The following DLG1 variants were observed in gnomAD, a reference collection of about 807,000 sequenced individuals.
DLG1 encodes discs large MAGUK scaffold protein 1, also known as disks large homolog 1.
A neutral mutation model predicts 123.4 loss-of-function variants in DLG1; 42 were observed. That is an observed-to-expected ratio of 0.34 (90% CI 0.27 to 0.44). The LOEUF (loss-of-function observed/expected upper bound fraction) is 0.44, where lower values mean the gene tolerates loss of function less well. Among genes scored for constraint, DLG1 ranks in the 20% least tolerant of loss-of-function variants. DLG1 has a pLI of 1.00. For synonymous variants in DLG1, 317 were observed against 356.2 expected (o/e 0.89, Z 1.24); for missense variants, 942 against 1,082.6 (o/e 0.87, Z 1.82).
chr3:197,149,417 T>TA (rs1207456521), intron 6 of DLG1, among the ~76,000 whole-genome samples: 3 of 152,182 alleles, frequency 2.0e-5, no homozygotes, highest in African/African-American at 7.2e-5. Context: ...GTCATTCAAT[T>TA]AGACTTCTAA....
intron 14 of DLG1, among the ~76,000 whole-genome samples, chr3:197,099,536 T>C (rs888474166): frequency 6.6e-6 from 1 of 152,228 alleles, no homozygotes; most frequent in Non-Finnish European, 1.5e-5. Flanking sequence ...TTAGGACGTA[T>C]CTGAACTGCT....
intron 4 of DLG1, among the ~76,000 whole-genome samples, chr3:197,197,575 C>T (rs1160168877): frequency 6.6e-6 from 1 of 152,204 alleles, no homozygotes; most frequent in Non-Finnish European, 1.5e-5. Context: ...AGTTAGGTTT[C>T]TATACAGCAT....
intron 5 of DLG1, among the ~76,000 whole-genome samples, chr3:197,163,439 A>T (rs571324903): frequency 1.7e-4 from 26 of 152,272 alleles, no homozygotes; most frequent in African/African-American, 5.3e-4. Flanking sequence ...ATCACACACA[A>T]CAGTCAAAAG....
chr3:197,136,731 G>C (rs937451271), intron 9 of DLG1, 53 bp from the exon 10 acceptor site: 1 of 1,491,154 alleles, frequency 6.7e-7, no homozygotes, highest in Non-Finnish European at 9.0e-7. Context: ...CTTAAGCCCA[G>C]AAAGAAATGG....
intron 3 of DLG1, among the ~76,000 whole-genome samples, chr3:197,287,173 C>G (rs908030487): frequency 1.9e-4 from 29 of 151,904 alleles, no homozygotes; most frequent in Admixed American, 3.3e-4. Flanking sequence ...ACATGGCCTA[C>G]AAGATGGAAA....
chr3:197,136,911 C>G (rs1785315415), intron 9 of DLG1, among the ~76,000 whole-genome samples: 2 of 152,200 alleles, frequency 1.3e-5, no homozygotes, highest in South Asian at 4.1e-4. Context: ...TTCTTAGTAT[C>G]TTTTCGCAAA....
At chr3:197,174,187 A>T (rs1331207691) in intron 5 of DLG1, among the ~76,000 whole-genome samples, 1 of 152,214 alleles carries the variant, frequency 6.6e-6, no homozygotes, top group Non-Finnish European at 1.5e-5. Flanking sequence ...AAAAAAGGAG[A>T]AAGAAAAGGC....
intron 4 of DLG1, among the ~76,000 whole-genome samples, chr3:197,254,897 G>GA (rs1356345839): frequency 6.6e-6 from 1 of 151,020 alleles, no homozygotes; most frequent in Non-Finnish European, 1.5e-5. Context: ...AAAATACAAA[G>GA]AAAAAAAAAT....
intron 24 of DLG1, among the ~76,000 whole-genome samples, chr3:197,050,060 AAAAC>A (rs759363160): frequency 1.3e-4 from 20 of 151,304 alleles, no homozygotes; most frequent in Middle Eastern, 3.5e-3. Context: ...CCCTGCCTCA[AAAAC>A]AAACAAACAA....
intron 4 of DLG1, among the ~76,000 whole-genome samples, chr3:197,234,252 C>A (rs531708946): frequency 6.6e-6 from 1 of 152,226 alleles, no homozygotes; most frequent in African/African-American, 2.4e-5. Context: ...AGTTCTAATA[C>A]ACAGACAGGC....
intron 17 of DLG1, 51 bp downstream of exon 17, chr3:197,081,000 C>T: frequency 6.6e-7 from 1 of 1,509,850 alleles, no homozygotes; most frequent in Non-Finnish European, 9.2e-7. Flanking sequence ...TTCATTTTAA[C>T]AATGTAGCTC....
chr3:197,176,176 T>G (rs1378511018), intron 5 of DLG1, among the ~76,000 whole-genome samples: 1 of 152,148 alleles, frequency 6.6e-6, no homozygotes, highest in Non-Finnish European at 1.5e-5. Context: ...ACACCAATTT[T>G]ATAGTTTTTA....
intron 4 of DLG1, among the ~76,000 whole-genome samples, chr3:197,248,403 C>T (rs560758565): frequency 2.6e-5 from 4 of 152,152 alleles, no homozygotes; most frequent in Admixed American, 6.6e-5. Context: ...CAGTGGGACA[C>T]GTCTCCTAAT....
intron 5 of DLG1, among the ~76,000 whole-genome samples, chr3:197,175,403 T>C (rs980803572): frequency 2.6e-5 from 4 of 152,172 alleles, no homozygotes; most frequent in African/African-American, 9.7e-5. Context: ...AAAATTTAAG[T>C]TCTTCAGATA....
chr3:197,261,377 G>A (rs1476014759), intron 4 of DLG1, among the ~76,000 whole-genome samples: 1 of 152,232 alleles, frequency 6.6e-6, no homozygotes, highest in Non-Finnish European at 1.5e-5. Context: ...AGGAGTTTGA[G>A]GATGCAGTGA....
At chr3:197,108,862 TTAATA>T (rs1214724226) in intron 13 of DLG1, among the ~76,000 whole-genome samples, 2 of 152,206 alleles carry the variant, frequency 1.3e-5, no homozygotes, top group Non-Finnish European at 2.9e-5. Flanking sequence ...CTGTTTATAT[TTAATA>T]TAATTACTGA....
At chr3:197,113,986 A>C (rs544183270) in intron 13 of DLG1, among the ~76,000 whole-genome samples, 14 of 152,252 alleles carry the variant, frequency 9.2e-5, no homozygotes, top group African/African-American at 2.9e-4. Context: ...AATGCACTGA[A>C]GCCCTGTCTC....
chr3:197,171,946 T>C (rs1804414343), intron 5 of DLG1, among the ~76,000 whole-genome samples: 1 of 152,158 alleles, frequency 6.6e-6, no homozygotes. Flanking sequence ...TTGCCTTGTA[T>C]TATTCACCCT....
intron 5 of DLG1, among the ~76,000 whole-genome samples, chr3:197,161,160 T>C (rs559377351): frequency 6.6e-6 from 1 of 152,322 alleles, no homozygotes; most frequent in South Asian, 2.1e-4. Flanking sequence ...CCCAGATATG[T>C]TGGCTATTAT....
Sources: gnomAD v4.1 joint callset for allele counts (sites outside exome capture counted in the v4.1 genomes callset) on GRCh38, gnomAD v4.1.1 for gene constraint, MANE v1.5 for transcripts, NCBI Gene and HGNC (gene_info 2026-07-23, HGNC 2026-07-21) for gene names.